ZNF385D: variants seen among roughly 807,000 people sequenced by gnomAD.
The protein encoded by ZNF385D is zinc finger protein 659.
ZNF385D carries 15 observed loss-of-function variants against 35.8 expected under a neutral mutation model. That is an observed-to-expected ratio of 0.42 (90% CI 0.28 to 0.64). ZNF385D has a LOEUF of 0.64. ZNF385D is among the 30% of genes least tolerant of loss of function. The pLI is 0.23. For synonymous variants in ZNF385D, 212 were observed against 186.8 expected (o/e 1.13, Z -1.10); for missense variants, 474 against 494.6 (o/e 0.96, Z 0.39).
At chr3:22,096,975 G>GGATAA (rs1374967853) in intron 3 of ZNF385D, among the ~76,000 whole-genome samples, 62 of 152,112 alleles carry the variant, frequency 4.1e-4, no homozygotes, top group African/African-American at 1.3e-3. Context: ...CTATCTCTTA[G>GGATAA]GATATTCACC....
intron 7 of ZNF385D, among the ~76,000 whole-genome samples, chr3:21,422,517 A>T (rs550853846): frequency 1.6e-4 from 25 of 152,270 alleles, no homozygotes; most frequent in Non-Finnish European, 2.8e-4. Context: ...CCTGATACCA[A>T]AACCTGGCAG....
chr3:22,219,430 GC>G (rs896856467), intron 2 of ZNF385D, among the ~76,000 whole-genome samples: 6 of 152,062 alleles, frequency 3.9e-5, no homozygotes, highest in African/African-American at 1.4e-4. Context: ...TGATCATTGT[GC>G]CCTGTCACCA....
intron 1 of ZNF385D, among the ~76,000 whole-genome samples, chr3:21,703,870 C>T (rs1559534537): frequency 6.6e-6 from 1 of 152,082 alleles, no homozygotes; most frequent in Non-Finnish European, 1.5e-5. Flanking sequence ...ACTCTCACCA[C>T]TTTCTTCCCT....
intron 3 of ZNF385D, among the ~76,000 whole-genome samples, chr3:21,953,138 C>A (rs796675239): frequency 6.6e-6 from 1 of 151,928 alleles, no homozygotes; most frequent in Non-Finnish European, 1.5e-5. Flanking sequence ...AGATTTTCCT[C>A]AAGTGTTTCT....
At chr3:22,315,529 A>C (rs570963780) in intron 2 of ZNF385D, among the ~76,000 whole-genome samples, 31 of 152,322 alleles carry the variant, frequency 2.0e-4, no homozygotes, top group Admixed American at 1.8e-3. Flanking sequence ...TTAAAGAAAG[A>C]TGAGTGAGAG....
At position 21,419,570 on chromosome 3, in the gene ZNF385D, C is replaced by T. The variant is rs1023762369; in HGVS notation, c.*1644G>A. ...AAAACCTTTTCAAAAATAGTTTTTT[C>T]TCTAAACCTAAATCATGTATGTTTT... is the stretch of plus-strand genomic sequence containing the variant. On this transcript the variant is annotated 3_prime_UTR_variant, in exon 8 of 8. Transcript: ENST00000281523. 3.3e-5 allele frequency: 5 copies of T among 152,182 alleles called. No homozygotes were observed. The highest frequency in any genetic ancestry group is 3.3e-4 in the Admixed American group (5 of 15,288). 9.4% of individuals were successfully genotyped at this position (152,182 alleles called of 1,614,324 possible). A position where few individuals can be genotyped will look rare whatever the true frequency, so the allele number is the denominator to read the frequency against.
At chr3:21,583,816 T>C (rs73137006) in intron 2 of ZNF385D, among the ~76,000 whole-genome samples, 9,082 of 150,950 alleles carry the variant, frequency 0.06, 631 homozygotes, top group African/African-American at 0.17. Flanking sequence ...CATAGTATGT[T>C]TCCACTTTTA....
intron 1 of ZNF385D, among the ~76,000 whole-genome samples, chr3:21,709,288 T>C (rs568533176): frequency 1.3e-5 from 2 of 152,248 alleles, no homozygotes; most frequent in Non-Finnish European, 2.9e-5. Context: ...ATATATTGTG[T>C]TTTCTATGCT....
chr3:22,320,278 A>T (rs1409474385), intron 2 of ZNF385D, among the ~76,000 whole-genome samples: 1 of 152,128 alleles, frequency 6.6e-6, no homozygotes, highest in African/African-American at 2.4e-5. Context: ...TGAACCAAGG[A>T]AGGTTTGAAT....
chr3:21,717,803 C>G (rs2068383658), intron 1 of ZNF385D, among the ~76,000 whole-genome samples: 1 of 152,174 alleles, frequency 6.6e-6, no homozygotes, highest in African/African-American at 2.4e-5. Context: ...GATTGTGAGG[C>G]CTTTCTAGCC....
intron 2 of ZNF385D, among the ~76,000 whole-genome samples, chr3:21,581,290 G>A (rs989906495): frequency 1.3e-5 from 2 of 152,110 alleles, no homozygotes; most frequent in Non-Finnish European, 2.9e-5. Flanking sequence ...TATATCAGAT[G>A]TATAATTCCT....
chr3:21,928,860 C>A (rs764508171), intron 3 of ZNF385D, among the ~76,000 whole-genome samples: 5 of 152,074 alleles, frequency 3.3e-5, no homozygotes, highest in Non-Finnish European at 7.4e-5. Context: ...CAGAGAAACA[C>A]AGCCCCAGAG....
chr3:21,895,555 G>T (rs1264034981), intron 3 of ZNF385D, among the ~76,000 whole-genome samples: 1 of 147,154 alleles, frequency 6.8e-6, no homozygotes, highest in Non-Finnish European at 1.5e-5. Flanking sequence ...TGGCCAGGCT[G>T]GTCTCAAACC....
chr3:21,780,677 C>A (rs1489500709), intron 3 of ZNF385D, among the ~76,000 whole-genome samples: 1 of 152,034 alleles, frequency 6.6e-6, no homozygotes, highest in Non-Finnish European at 1.5e-5. Flanking sequence ...TTGTATTTTA[C>A]ATTAGACTAA....
chr3:21,452,280 G>A (rs4858325), intron 4 of ZNF385D, among the ~76,000 whole-genome samples: 41,998 of 151,854 alleles, frequency 0.28, 6,451 homozygotes, highest in East Asian at 0.43. Flanking sequence ...TCACATCACT[G>A]TTCTCCAAAT....
chr3:21,555,142 C>A (rs2062687770), intron 3 of ZNF385D, among the ~76,000 whole-genome samples: 2 of 151,848 alleles, frequency 1.3e-5, no homozygotes, highest in Non-Finnish European at 2.9e-5. Context: ...TAAGCTTAAT[C>A]ATTTCTGGTT....
chr3:22,066,702 G>A (rs1699981410), intron 3 of ZNF385D, among the ~76,000 whole-genome samples: 1 of 151,994 alleles, frequency 6.6e-6, no homozygotes, highest in Admixed American at 6.6e-5. Flanking sequence ...ATCTAGTTAG[G>A]AAGTTACTGC....
chr3:21,751,365 C>T (rs888835051), upstream of ZNF385D: 8 of 1,037,832 alleles, frequency 7.7e-6, no homozygotes, highest in Non-Finnish European at 8.1e-6. Flanking sequence ...GTGAGGGGCG[C>T]GGGAGGCTCT....
At chr3:22,299,866 T>C (rs1218040072) in intron 2 of ZNF385D, among the ~76,000 whole-genome samples, 1 of 151,834 alleles carries the variant, frequency 6.6e-6, no homozygotes, top group African/African-American at 2.4e-5. Context: ...AAAAAAATAT[T>C]GTTGCTAAAA....
Sources: gnomAD v4.1 joint callset for allele counts (sites outside exome capture counted in the v4.1 genomes callset) on GRCh38, gnomAD v4.1.1 for gene constraint, MANE v1.5 for transcripts, NCBI Gene and HGNC (gene_info 2026-07-23, HGNC 2026-07-21) for gene names.